Variants in OGFR observed in about 807,000 individuals in gnomAD.
OGFR encodes the protein opioid growth factor receptor.
Under a neutral mutation model 33.6 loss-of-function variants are expected in OGFR, and 18 were observed. The observed-to-expected ratio is 0.54, with a 90% CI of 0.37 to 0.80. The LOEUF is 0.80. Ranked by LOEUF, OGFR falls within the 30% of genes least tolerant of loss-of-function variation. The pLI, the probability that OGFR is intolerant of heterozygous loss-of-function variation, is 0.00. For missense variants in OGFR, 877 were observed against 955.8 expected, an observed-to-expected ratio of 0.92 and a Z score of 1.09; for synonymous variants, 370 against 400.7, an observed-to-expected ratio of 0.92 and a Z score of 0.91.
chr20:62,807,439 C>G, intron 1 of OGFR, 98 bp from the exon 2 acceptor site: 1 of 1,028,540 alleles, frequency 9.7e-7, no homozygotes, highest in Non-Finnish European at 1.5e-6. Context: ...TTAAAGACAG[C>G]TCTGTGGCAG....
chr20:62,805,560 C>T (rs943236061), intron 1 of OGFR: 1 of 151,526 alleles, frequency 6.6e-6, no homozygotes, highest in Admixed American at 6.6e-5. Flanking sequence ...TTTGTTGCCG[C>T]GCTGGGAACG....
intron 2 of OGFR, chr20:62,807,880 G>T: frequency 1.7e-6 from 1 of 600,468 alleles, no homozygotes; most frequent in Non-Finnish European, 3.0e-6. Context: ...ATGCACACGT[G>T]TGGGGTCCGT....
Position 62,812,215 on chromosome 20 carries a change from C to A in OGFR, c.615-15C>A. ...GCCCCAGCCATTGACCTCTCCTGAC[C>A]CGGATCTCTCGCAGGCGCAGCCACA... On this transcript the variant is annotated splice_polypyrimidine_tract_variant and intron_variant, in intron 6 of 6. Coordinates refer to ENST00000290291, the MANE Select transcript of OGFR (RefSeq NM_007346.4). 1.3e-6 allele frequency: 2 copies of A among 1,487,360 alleles called. No individual in the cohort carries two copies. Among genetic ancestry groups the A allele is most frequent in the South Asian group, 1.4e-5 (1 of 73,554 alleles). The allele number at this position is 1,487,360 out of a possible 1,614,324, so 92.1% of individuals were successfully genotyped here.
rs1990810026 is a variant in OGFR, at chr20:62,813,830, C to T, written c.*181C>T. ...AGAAGCCGCGAGGCCCTCAGGGAAGCCCAAGGCCTGCAGAAGCCTCCTGGC... is the reference window on the plus strand; with the variant it reads ...AGAAGCCGCGAGGCCCTCAGGGAAGTCCAAGGCCTGCAGAAGCCTCCTGGC... On this transcript the variant is annotated 3_prime_UTR_variant, in exon 7 of 7. Coordinates refer to ENST00000290291, the MANE Select transcript of OGFR (RefSeq NM_007346.4). 5.8e-6 allele frequency: 4 copies of T among 689,670 alleles called. No individual in the cohort carries two copies. Among genetic ancestry groups the T allele is most frequent in the South Asian group, 1.9e-5 (1 of 53,240 alleles). The allele number at this position is 689,670 out of a possible 1,614,324, so 42.7% of individuals were successfully genotyped here. A position where few individuals can be genotyped will look rare whatever the true frequency, so the allele number is the denominator to read the frequency against.
At chr20:62,805,163 C>T in intron 1 of OGFR, 133 bp downstream of exon 1, 1 of 628,186 alleles carries the variant, frequency 1.6e-6, no homozygotes, top group Non-Finnish European at 2.3e-6. Flanking sequence ...GGGGACCCCC[C>T]CCCAGACCGG....
chr20:62,805,278 C>T (rs1043593748), intron 1 of OGFR, among the ~76,000 whole-genome samples: 1 of 151,712 alleles, frequency 6.6e-6, no homozygotes, highest in South Asian at 2.1e-4. Flanking sequence ...CCGTTCCCCC[C>T]GGGGGTGCCT....
At position 62,812,881 on chromosome 20, in the gene OGFR, C is replaced by A. The variant is rs6010751; in HGVS notation, c.1266C>A (p.Gly422=). The change falls in exon 7 of 7, where the codon GGC becomes GGA. Residue 422 remains glycine (G), a synonymous_variant. Transcript: ENST00000290291. ...LNLEGCALSQ[G]SLRTGTQEVG... ...TGGAGGGGTGTGCCCTCAGCCAGGG[C>A]AGCCTCAGGACGGGGACCCAGGAAG... 28,504 of 1,612,528 alleles carry A rather than the reference C, an allele frequency of 0.018. 476 individuals are homozygous for A. The highest frequency in any genetic ancestry group is 0.08 in the African/African-American group (5,975 of 75,046).
At chr20:62,811,310 C>T in intron 5 of OGFR, 152 bp from the exon 6 acceptor site, 2 of 863,512 alleles carry the variant, frequency 2.3e-6, no homozygotes, top group South Asian at 1.7e-5. Flanking sequence ...CCAGCCTGGG[C>T]AACAGAGCAA....
chr20:62,808,089 C>G, intron 2 of OGFR, 158 bp from the exon 3 acceptor site: 1 of 716,242 alleles, frequency 1.4e-6, no homozygotes, highest in South Asian at 1.5e-5. Flanking sequence ...CTGCTGTCCT[C>G]TGAATGGCCC....
intron 1 of OGFR, chr20:62,805,462 C>T (rs1990569197): frequency 6.5e-6 from 1 of 153,336 alleles, no homozygotes; most frequent in South Asian, 1.8e-4. Context: ...GGCTTCGCGT[C>T]TGCACCTGCG....
Position 62,804,902 on chromosome 20 carries a change from G to A in OGFR, c.43G>A (p.Glu15Lys), listed in dbSNP as rs1568735513. The change falls in exon 1 of 7, where the codon GAG (glutamate) becomes AAG (lysine). Residue 15 changes from glutamate (E) to lysine (K), a missense_variant. Physicochemically the swap from Glu to Lys is moderately conservative, Grantham distance 56. This residue lies in a region of OGFR where 760 missense variants were observed against 736.0 expected (regional missense o/e 1.03). Coordinates refer to ENST00000290291, the MANE Select transcript of OGFR (RefSeq NM_007346.4). Reference sequence around the variant, plus strand: ...CGACTCCACCTGGGAGGAGGACGAGGAGGATGCGGAGGACGCGGAGGACGA... The same window carrying A: ...CGACTCCACCTGGGAGGAGGACGAGAAGGATGCGGAGGACGCGGAGGACGA... Reference protein sequence around the residue: ...DCDSTWEEDEEDAEDAEDEDC... With the variant: ...DCDSTWEEDEKDAEDAEDEDC... 6.7e-7 allele frequency: 1 copy of A among 1,495,844 alleles called. No homozygotes were observed. The allele number at this position is 1,495,844 out of a possible 1,614,324, so 92.7% of individuals were successfully genotyped here.
At chr20:62,805,098 G>A in intron 1 of OGFR, 68 bp downstream of exon 1, 4 of 1,213,466 alleles carry the variant, frequency 3.3e-6, no homozygotes, top group Non-Finnish European at 4.2e-6. Flanking sequence ...GTGGACGGGA[G>A]ACCCCCCCAT....
Position 62,812,703 on chromosome 20 carries a change from G to C in OGFR, c.1088G>C (p.Gly363Ala). 1 of 1,582,328 alleles carries C rather than the reference G, an allele frequency of 6.3e-7. No homozygotes were observed. Among genetic ancestry groups the C allele is most frequent in the Non-Finnish European group, 8.6e-7 (1 of 1,164,780 alleles). ...QDAGPLERSQ[G>A]DEAGGHGEDR... ...GCGGGACCCCTGGAGAGGAGCCAGG[G>C]GGATGAGGCAGGGGGCCACGGGGAA... The change falls in exon 7 of 7, where the codon GGG becomes GCG. Residue 363 changes from glycine (G) to alanine (A), a missense_variant. Physicochemically the swap from Gly to Ala is moderately conservative, Grantham distance 60. This residue lies in a region of OGFR where 760 missense variants were observed against 736.0 expected (regional missense o/e 1.03). Coordinates refer to ENST00000290291, the MANE Select transcript of OGFR (RefSeq NM_007346.4).
Position 62,809,584 on chromosome 20 carries a change from G to A in OGFR, c.320-1G>A. 6.2e-7 allele frequency: 1 copy of A among 1,611,854 alleles called. No individual in the cohort carries two copies. Among genetic ancestry groups the A allele is most frequent in the Non-Finnish European group, 8.5e-7 (1 of 1,179,140 alleles). ...CTGACTTGTCCCCATGGGGCTCCCA[G>A]GCTGTTTCATTGAGGACATTCTTCA... On this transcript the variant is annotated splice_acceptor_variant, in intron 3 of 6. Transcript: ENST00000290291. LOFTEE classifies it high-confidence loss of function.
chr20:62,812,628 G>C lies in OGFR; in HGVS notation c.1013G>C (p.Gly338Ala), dbSNP rs1258778258. 1 of 1,561,134 alleles carries C rather than the reference G, an allele frequency of 6.4e-7. No individual in the cohort carries two copies. The highest frequency in any genetic ancestry group is 8.7e-7 in the Non-Finnish European group (1 of 1,153,762). ...RTCGPEHSKG[G>A]GRVDEGPQPR... ...TGTGGGCCAGAGCATAGCAAGGGTG[G>C]GGGCAGGGTGGACGAGGGGCCCCAG... The change falls in exon 7 of 7, where the codon GGG becomes GCG. Residue 338 changes from glycine to alanine, a missense_variant. Physicochemically the swap from Gly to Ala is moderately conservative, Grantham distance 60. Around this residue, in one of 3 missense-constraint regions of OGFR, gnomAD observed 760 missense variants for 736.0 expected, o/e 1.03. Transcript: ENST00000290291.
chr20:62,811,759 C>T (rs575339227), intron 6 of OGFR, 149 bp downstream of exon 6: 230 of 908,214 alleles, frequency 2.5e-4, no homozygotes, highest in Non-Finnish European at 2.4e-4. Context: ...TCCTTGCTGC[C>T]TGTAGAGCCG....
rs578065244 is a variant in OGFR at position 62,809,527 on chromosome 20, C to T, written c.320-58C>T. ...CTTATGTCCCCCACCCACACCCCGTCCTCCTGAGCACGGGCAGGGTGGCTG... is the reference window on the plus strand; with the variant it reads ...CTTATGTCCCCCACCCACACCCCGTTCTCCTGAGCACGGGCAGGGTGGCTG... On this transcript the variant is annotated intron_variant, in intron 3 of 6. Coordinates refer to ENST00000290291, the MANE Select transcript of OGFR (RefSeq NM_007346.4). 2.1e-4 allele frequency: 277 copies of T among 1,321,682 alleles called. No individual in the cohort carries two copies. The African/African-American group carries it at 3.5e-3, about 17-fold the overall frequency. The allele number at this position is 1,321,682 out of a possible 1,614,324, so 81.9% of individuals were successfully genotyped here.
chr20:62,810,410 G>T, intron 4 of OGFR, 89 bp from the exon 5 acceptor site: 1 of 1,312,278 alleles, frequency 7.6e-7, no homozygotes, highest in Non-Finnish European at 1.1e-6. Flanking sequence ...AGAGGGGATT[G>T]GAACTGCCCC....
Position 62,812,874 on chromosome 20 carries a change from G to C in OGFR, c.1259G>C (p.Ser420Thr). Residue 420 changes from serine (S) to threonine (T), a missense_variant, in exon 7 of 7, where the codon AGC (serine) becomes ACC (threonine). This residue lies in a region of OGFR where 760 missense variants were observed against 736.0 expected (regional missense o/e 1.03). Coordinates refer to ENST00000290291, the MANE Select transcript of OGFR (RefSeq NM_007346.4). ...IALNLEGCAL[S>T]QGSLRTGTQE... ...CTGAATTTGGAGGGGTGTGCCCTCA[G>C]CCAGGGCAGCCTCAGGACGGGGACC... 6.2e-7 allele frequency: 1 copy of C among 1,612,630 alleles called. No individual in the cohort carries two copies. The highest frequency in any genetic ancestry group is 8.5e-7 in the Non-Finnish European group (1 of 1,179,942).
Sources: allele counts gnomAD v4.1 joint callset (sites outside exome capture counted in the v4.1 genomes callset), GRCh38; gene constraint gnomAD v4.1.1; regional missense constraint gnomAD v4.1.1; transcripts MANE v1.5; gene names NCBI Gene and HGNC (gene_info 2026-07-23, HGNC 2026-07-21).